Variants in ME3 observed in about 807,000 individuals in gnomAD.
ME3 encodes NADP-dependent malic enzyme, mitochondrial.
A neutral mutation model predicts 68.9 loss-of-function variants in ME3; 48 were observed. The ratio of observed to expected loss-of-function variants is 0.70; its 90% CI spans 0.55 to 0.89. The LOEUF (loss-of-function observed/expected upper bound fraction) is 0.89, where lower values mean the gene tolerates loss of function less well. ME3 is among the 40% of genes least tolerant of loss of function. ME3 has a pLI of 0.00. For synonymous variants in ME3, 320 were observed against 318.8 expected, an observed-to-expected ratio of 1.00 and a Z score of -0.04; for missense variants, 675 against 797.4, an observed-to-expected ratio of 0.85 and a Z score of 1.85.
intron 4 of ME3, among the ~76,000 whole-genome samples, chr11:86,540,723 C>A (rs1955991685): frequency 2.0e-5 from 3 of 152,160 alleles, no homozygotes; most frequent in Admixed American, 2.0e-4. Flanking sequence ...ATCTTAGGGG[C>A]TGGCCAGCTG....
intron 4 of ME3, among the ~76,000 whole-genome samples, chr11:86,536,723 T>C (rs1180768365): frequency 2.7e-5 from 4 of 149,826 alleles, no homozygotes; most frequent in East Asian, 3.9e-4. Flanking sequence ...TGGAAGTCAG[T>C]GTGGCGATTC....
chr11:86,524,301 C>T (rs1228292404), intron 4 of ME3, among the ~76,000 whole-genome samples: 3 of 152,238 alleles, frequency 2.0e-5, no homozygotes, highest in Non-Finnish European at 4.4e-5. Context: ...GTCCCCCTGA[C>T]TCAGAGGCGC....
chr11:86,483,026 A>T (rs1413050747), intron 7 of ME3, among the ~76,000 whole-genome samples: 3 of 152,284 alleles, frequency 2.0e-5, no homozygotes, highest in Non-Finnish European at 4.4e-5. Context: ...TCAAGAGGCA[A>T]GTGAACAGTC....
intron 14 of ME3, 111 bp downstream of exon 14, chr11:86,442,710 A>C: frequency 1.1e-6 from 1 of 879,626 alleles, no homozygotes; most frequent in East Asian, 2.6e-5. Flanking sequence ...AGTGCAGCTC[A>C]AGGAGATCCA....
intron 2 of ME3, among the ~76,000 whole-genome samples, chr11:86,573,960 C>T (rs1007319334): frequency 1.3e-5 from 2 of 152,178 alleles, no homozygotes; most frequent in Non-Finnish European, 2.9e-5. Flanking sequence ...TTGAACCAGC[C>T]TTGCATCCCA....
chr11:86,451,115 A>G (rs988358299), intron 8 of ME3, among the ~76,000 whole-genome samples: 5 of 152,224 alleles, frequency 3.3e-5, no homozygotes, highest in Admixed American at 6.5e-5. Context: ...AATAAAAGGT[A>G]ATGGTGAAGG....
At chr11:86,657,809 A>G (rs1353688190) in intron 2 of ME3, among the ~76,000 whole-genome samples, 2 of 152,296 alleles carry the variant, frequency 1.3e-5, no homozygotes, top group East Asian at 1.9e-4. Flanking sequence ...ACACTCAGCA[A>G]TAAGAAGAAT....
exon 14 of ME3, chr11:86,442,868 G>C: frequency 6.2e-7 from 1 of 1,613,616 alleles, no homozygotes; most frequent in Non-Finnish European, 8.5e-7. Context: ...CTGAGTGGTG[G>C]GTAGAGTCTC....
intron 2 of ME3, among the ~76,000 whole-genome samples, chr11:86,616,960 G>T (rs1245499286): frequency 1.4e-5 from 2 of 147,430 alleles, no homozygotes; most frequent in Admixed American, 6.9e-5. Context: ...TGTTAACAAT[G>T]TGGGAAAACT....
intron 5 of ME3, among the ~76,000 whole-genome samples, chr11:86,498,535 G>A (rs1225199368): frequency 1.3e-5 from 2 of 152,220 alleles, no homozygotes; most frequent in East Asian, 1.9e-4. Flanking sequence ...TGCTGCTACA[G>A]CTCCAGGGTT....
rs1391775275 is a variant in ME3 at position 86,607,958 on chromosome 11, C to T, written c.184-48135G>A. ...GGACACAGATCATGCCATGTCTCCC[C>T]TGGGTGCCAGAAGTACCTATGAGGT... is the stretch of plus-strand genomic sequence containing the variant. On this transcript the variant is annotated intron_variant, in intron 2 of 14. Transcript: ENST00000543262. Among the ~76,000 whole-genome samples, 3 of 152,122 alleles carry T rather than the reference C, an allele frequency of 2.0e-5. No individual in the cohort carries two copies. The South Asian group carries it at 6.2e-4, about 31-fold the overall frequency.
chr11:86,443,806 C>T (rs1052520530), intron 13 of ME3, among the ~76,000 whole-genome samples: 14 of 152,192 alleles, frequency 9.2e-5, no homozygotes, highest in African/African-American at 3.4e-4. Flanking sequence ...TTCAGTCATA[C>T]ATTCACTGTG....
chr11:86,439,460 A>G (rs1948917877), downstream of ME3, among the ~76,000 whole-genome samples: 1 of 152,218 alleles, frequency 6.6e-6, no homozygotes, highest in Admixed American at 6.5e-5. Context: ...CTGTTACTCT[A>G]TAGAGCCAAT....
chr11:86,472,970 C>T (rs1179317020), intron 7 of ME3, among the ~76,000 whole-genome samples: 3 of 152,310 alleles, frequency 2.0e-5, no homozygotes, highest in Non-Finnish European at 4.4e-5. Flanking sequence ...TTCTAACGAA[C>T]GTGTTCATGA....
chr11:86,619,769 A>G (rs990710206), intron 2 of ME3, among the ~76,000 whole-genome samples: 5 of 152,246 alleles, frequency 3.3e-5, no homozygotes, highest in Non-Finnish European at 7.3e-5. Context: ...TATCAGGTAC[A>G]TGAAAACAGA....
intron 4 of ME3, among the ~76,000 whole-genome samples, chr11:86,524,743 G>A (rs1406999929): frequency 3.9e-5 from 6 of 152,178 alleles, no homozygotes; most frequent in African/African-American, 7.2e-5. Flanking sequence ...GAAGTTCACT[G>A]GGAAAACATA....
intron 2 of ME3, among the ~76,000 whole-genome samples, chr11:86,570,465 TC>T (rs546995307): frequency 3.0e-4 from 45 of 152,260 alleles, no homozygotes; most frequent in Middle Eastern, 3.4e-3. Context: ...AGGCTGCTGT[TC>T]CCTGCACTGA....
At chr11:86,571,006 A>G (rs367742210) in intron 2 of ME3, among the ~76,000 whole-genome samples, 1 of 152,200 alleles carries the variant, frequency 6.6e-6, no homozygotes, top group South Asian at 2.1e-4. Context: ...AGAATGTTAA[A>G]ATTTCTGTGA....
chr11:86,482,850 G>A (rs1594129668), intron 7 of ME3, among the ~76,000 whole-genome samples: 1 of 152,102 alleles, frequency 6.6e-6, no homozygotes. Flanking sequence ...TTAGCCAGCT[G>A]AAAGCAGCCA....
Sources: allele counts gnomAD v4.1 joint callset (sites outside exome capture counted in the v4.1 genomes callset), GRCh38; gene constraint gnomAD v4.1.1; transcripts MANE v1.5; gene names NCBI Gene and HGNC (gene_info 2026-07-23, HGNC 2026-07-21).